SUGCT: variants seen among roughly 807,000 people sequenced by gnomAD.
SUGCT encodes succinyl-CoA:glutarate-CoA transferase, also known as succinyl-CoA:glutarate CoA-transferase.
A neutral mutation model predicts 55.0 loss-of-function variants in SUGCT; 41 were observed. The observed-to-expected ratio is 0.74, with a 90% CI of 0.58 to 0.97. The LOEUF (loss-of-function observed/expected upper bound fraction) is 0.97. SUGCT is among the 50% of genes least tolerant of loss of function. The pLI, the probability that SUGCT is intolerant of heterozygous loss-of-function variation, is 0.00. For missense variants in SUGCT, 568 were observed against 547.8 expected (o/e 1.04, Z -0.37); for synonymous variants, 187 against 200.4 (o/e 0.93, Z 0.56).
At chr7:40,476,105 G>T (rs1790658586) in intron 11 of SUGCT, among the ~76,000 whole-genome samples, 1 of 152,084 alleles carries the variant, frequency 6.6e-6, no homozygotes, top group South Asian at 2.1e-4. Context: ...CTATGCTTCA[G>T]GCCCCTCATA....
intron 12 of SUGCT, among the ~76,000 whole-genome samples, chr7:40,571,654 A>G (rs1440759064): frequency 6.6e-6 from 1 of 152,174 alleles, no homozygotes; most frequent in Non-Finnish European, 1.5e-5. Context: ...GAACACATCA[A>G]TGAAAAAAAA....
intron 9 of SUGCT, among the ~76,000 whole-genome samples, chr7:40,341,522 A>G (rs1797046278): frequency 6.6e-6 from 1 of 152,184 alleles, no homozygotes; most frequent in African/African-American, 2.4e-5. Context: ...ATGTTTATAG[A>G]TAATCTGAAA....
At chr7:40,161,863 A>T (rs1383467354) in intron 1 of SUGCT, among the ~76,000 whole-genome samples, 8 of 152,074 alleles carry the variant, frequency 5.3e-5, no homozygotes, top group African/African-American at 1.9e-4. Flanking sequence ...AATTGGTACC[A>T]TTTTGTACCC....
rs113845832 is a variant in SUGCT, at chr7:40,814,496, A to G, written c.1154-45820A>G. 5.8e-3 allele frequency among the ~76,000 whole-genome samples: 874 copies of G among 151,938 alleles called. 7 individuals carry two copies. Among genetic ancestry groups the G allele is most frequent in the African/African-American group, 0.02 (816 of 41,414 alleles). On this transcript the variant is annotated intron_variant, in intron 13 of 13. Transcript: ENST00000335693. ...TCTGCTTGGTCCAGTCTATTGATAA[A>G]TCTGTCAATTATATTTTGAAATTCC...
chr7:40,748,482 A>G (rs56243010), intron 12 of SUGCT, among the ~76,000 whole-genome samples: 13,487 of 151,648 alleles, frequency 0.089, 703 homozygotes, highest in Middle Eastern at 0.16. Flanking sequence ...GGTTTATTTT[A>G]TAATTTTTAT....
At chr7:40,249,313 C>CTATCTATCTATATATATCTATATATCTA (rs1324264789) in intron 7 of SUGCT, among the ~76,000 whole-genome samples, 1 of 79,518 alleles carries the variant, frequency 1.3e-5, no homozygotes, top group African/African-American at 5.4e-5. Context: ...CACCAAAAAG[C>CTATCTATCTATATATATCTATATATCTA]TATATATATA....
chr7:40,929,110 T>G, the SUGCT span, among the ~76,000 whole-genome samples: 1 of 149,428 alleles, frequency 6.7e-6, no homozygotes, highest in Non-Finnish European at 1.5e-5. Flanking sequence ...CAGGCCCCGG[T>G]GTGTGATGTT....
chr7:40,144,851 T>A (rs1381815740), intron 1 of SUGCT, among the ~76,000 whole-genome samples: 1 of 152,200 alleles, frequency 6.6e-6, no homozygotes, highest in African/African-American at 2.4e-5. Flanking sequence ...GTATGATTTT[T>A]ATACCAGAAA....
At chr7:40,828,741 G>T (rs1480173881) in intron 13 of SUGCT, among the ~76,000 whole-genome samples, 3 of 152,140 alleles carry the variant, frequency 2.0e-5, no homozygotes, top group African/African-American at 4.8e-5. Flanking sequence ...GCATGGGAAA[G>T]ACTGACCTCA....
At chr7:40,763,027 G>A (rs1788611743) in intron 13 of SUGCT, among the ~76,000 whole-genome samples, 2 of 151,976 alleles carry the variant, frequency 1.3e-5, no homozygotes, top group Non-Finnish European at 2.9e-5. Context: ...ATGTTGGCGA[G>A]GCTGGTCATG....
In SUGCT at chr7:40,432,685, C is replaced by CA. The variant is rs61055999; in HGVS notation, c.817-16573dup. Among the ~76,000 whole-genome samples, 216 of 115,632 alleles carry CA rather than the reference C, an allele frequency of 1.9e-3. 3 individuals carry two copies. Among genetic ancestry groups the CA allele is most frequent in the African/African-American group, 6.6e-3 (207 of 31,460 alleles). 75.9% of individuals were successfully genotyped at this position (115,632 alleles called of 152,430 possible). A position where few individuals can be genotyped will look rare whatever the true frequency, so the allele number is the denominator to read the frequency against. On this transcript the variant is annotated intron_variant, in intron 9 of 13. Transcript: ENST00000335693. ...TGAGCAACAGAGTGAGACTCCCTCT[C>CA]AAAAAAAAAAAAAAAAAAAAAAAAA... is the stretch of plus-strand genomic sequence containing the variant.
intron 12 of SUGCT, chr7:40,499,092 C>T: frequency 2.2e-6 from 1 of 456,726 alleles, no homozygotes; most frequent in Non-Finnish European, 4.4e-6. Context: ...CACTTCTGTT[C>T]AGATGTGGGA....
chr7:40,890,642 G>T, the SUGCT span, among the ~76,000 whole-genome samples: 1,477 of 152,248 alleles, frequency 9.7e-3, 26 homozygotes, highest in African/African-American at 0.034. Context: ...AGCCCCACCA[G>T]TTAGCCTACC....
chr7:40,599,123 G>T (rs1036525088), intron 12 of SUGCT, among the ~76,000 whole-genome samples: 2 of 152,098 alleles, frequency 1.3e-5, no homozygotes, highest in East Asian at 1.9e-4. Context: ...TCTGTTTTGT[G>T]GTCAGATGAG....
chr7:40,336,917 T>TA (rs1796744530), intron 9 of SUGCT, among the ~76,000 whole-genome samples: 1 of 152,250 alleles, frequency 6.6e-6, no homozygotes. Flanking sequence ...CACACAGCTT[T>TA]AAATGTGTCC....
chr7:40,290,504 T>A (rs1317416261), intron 8 of SUGCT, among the ~76,000 whole-genome samples: 1 of 152,070 alleles, frequency 6.6e-6, no homozygotes, highest in African/African-American at 2.4e-5. Context: ...AAAAATTAAT[T>A]CAAGATGGAT....
intron 12 of SUGCT, among the ~76,000 whole-genome samples, chr7:40,510,234 A>G (rs1392793736): frequency 6.6e-6 from 1 of 152,080 alleles, no homozygotes; most frequent in African/African-American, 2.4e-5. Context: ...TTTTAATTAC[A>G]TATATAATTC....
intron 12 of SUGCT, among the ~76,000 whole-genome samples, chr7:40,530,461 T>G (rs1794024515): frequency 6.6e-6 from 1 of 152,198 alleles, no homozygotes; most frequent in Non-Finnish European, 1.5e-5. Flanking sequence ...CACTGAAACT[T>G]GAGAAGAGCA....
intron 12 of SUGCT, among the ~76,000 whole-genome samples, chr7:40,640,377 G>A (rs764837271): frequency 6.6e-6 from 1 of 152,142 alleles, no homozygotes; most frequent in Non-Finnish European, 1.5e-5. Flanking sequence ...AACTGTCAGA[G>A]CCCACCAATA....
Sources: allele counts gnomAD v4.1 joint callset (sites outside exome capture counted in the v4.1 genomes callset), GRCh38; gene constraint gnomAD v4.1.1; transcripts MANE v1.5; gene names NCBI Gene and HGNC (gene_info 2026-07-23, HGNC 2026-07-21).